Variants in ROBO1 observed in about 807,000 individuals in gnomAD.
ROBO1 encodes the protein roundabout guidance receptor 1, also known as roundabout homolog 1.
Under a neutral mutation model 195.9 loss-of-function variants are expected in ROBO1, and 149 were observed. The ratio of observed to expected loss-of-function variants is 0.76; its 90% CI spans 0.67 to 0.87. The LOEUF is 0.87. Among genes scored for constraint, ROBO1 ranks in the 40% least tolerant of loss-of-function variants. The probability of loss-of-function intolerance (pLI) is 0.00; values close to 1 mark genes in which losing one functional copy is unlikely to be tolerated. For synonymous variants in ROBO1, 816 were observed against 733.2 expected (o/e 1.11, Z -1.82); for missense variants, 1,933 against 2,068.3 (o/e 0.93, Z 1.27).
chr3:79,625,309 C>T (rs1052383760), intron 1 of ROBO1, among the ~76,000 whole-genome samples: 19 of 149,840 alleles, frequency 1.3e-4, no homozygotes, highest in African/African-American at 4.2e-4. Flanking sequence ...CAATAACAAA[C>T]TAATCCAAAA....
intron 2 of ROBO1, among the ~76,000 whole-genome samples, chr3:79,484,517 A>G (rs1274429478): frequency 4.0e-5 from 6 of 151,878 alleles, no homozygotes; most frequent in African/African-American, 4.8e-5. Flanking sequence ...GTGTGTGTGT[A>G]TATATGGTGA....
At chr3:78,701,374 A>G (rs531762580) in intron 8 of ROBO1, among the ~76,000 whole-genome samples, 1 of 152,300 alleles carries the variant, frequency 6.6e-6, no homozygotes, top group South Asian at 2.1e-4. Flanking sequence ...AAAGCAGCCA[A>G]TTCCGTGCCT....
chr3:79,629,408 T>A (rs1259187193), intron 1 of ROBO1, among the ~76,000 whole-genome samples: 1 of 151,866 alleles, frequency 6.6e-6, no homozygotes, highest in Non-Finnish European at 1.5e-5. Context: ...GATTTTTGGG[T>A]AAATAAAAAA....
intron 8 of ROBO1, among the ~76,000 whole-genome samples, chr3:78,699,144 T>A (rs1170237677): frequency 6.6e-6 from 1 of 152,112 alleles, no homozygotes; most frequent in Non-Finnish European, 1.5e-5. Flanking sequence ...ATCTACCTCC[T>A]TCTCTCTTTA....
At chr3:79,665,206 C>A (rs1337052738) in intron 1 of ROBO1, among the ~76,000 whole-genome samples, 1 of 151,780 alleles carries the variant, frequency 6.6e-6, no homozygotes, top group Non-Finnish European at 1.5e-5. Context: ...CTATATACAT[C>A]TGGGAGAGCT....
intron 3 of ROBO1, among the ~76,000 whole-genome samples, chr3:78,967,507 G>A (rs1385521406): frequency 6.6e-6 from 1 of 152,066 alleles, no homozygotes; most frequent in Non-Finnish European, 1.5e-5. Flanking sequence ...TTCTCCAAGA[G>A]AGAAAGAAAC....
chr3:78,964,931 G>A (rs1046815011), intron 3 of ROBO1, among the ~76,000 whole-genome samples: 5 of 149,342 alleles, frequency 3.3e-5, no homozygotes, highest in South Asian at 2.1e-4. Flanking sequence ...TGATCCCCCC[G>A]TGCTGGGATT....
In ROBO1 at chr3:79,598,699, A is replaced by G. The variant is rs553206356; in HGVS notation, c.-50-8738T>C. ...AAAGACATAAACTCTTGGGAGCTCT[A>G]TGGCCCCCTCCATCACCTGAGATTC... is the stretch of plus-strand genomic sequence containing the variant. On this transcript the variant is annotated intron_variant, in intron 1 of 30. Transcript: ENST00000464233. 2.0e-5 allele frequency among the ~76,000 whole-genome samples: 3 copies of G among 152,028 alleles called. No individual in the cohort carries two copies. The South Asian group carries it at 6.2e-4, about 32-fold the overall frequency.
intron 2 of ROBO1, among the ~76,000 whole-genome samples, chr3:79,151,429 A>C (rs1576742436): frequency 6.6e-6 from 1 of 151,668 alleles, no homozygotes; most frequent in African/African-American, 2.4e-5. Flanking sequence ...AACAAAATAT[A>C]CCACTACTTC....
intron 2 of ROBO1, among the ~76,000 whole-genome samples, chr3:79,444,564 G>A (rs983482141): frequency 1.3e-5 from 2 of 152,074 alleles, no homozygotes; most frequent in African/African-American, 4.8e-5. Flanking sequence ...ATATGGAATT[G>A]AACATTCATA....
At chr3:79,648,700 GAATT>G (rs1389792887) in intron 1 of ROBO1, among the ~76,000 whole-genome samples, 1 of 151,948 alleles carries the variant, frequency 6.6e-6, no homozygotes, top group Non-Finnish European at 1.5e-5. Flanking sequence ...TAAAATAAAT[GAATT>G]GTCATTATGA....
At chr3:79,214,624 A>T (rs954692256) in intron 2 of ROBO1, among the ~76,000 whole-genome samples, 14 of 151,890 alleles carry the variant, frequency 9.2e-5, no homozygotes, top group Non-Finnish European at 1.5e-4. Context: ...CAAAAAACAA[A>T]AACACTTAGG....
At chr3:79,140,049 T>C (rs899992832) in intron 2 of ROBO1, among the ~76,000 whole-genome samples, 1 of 152,098 alleles carries the variant, frequency 6.6e-6, no homozygotes, top group African/African-American at 2.4e-5. Context: ...CAGGAAGAAA[T>C]AGAATCCCTT....
At chr3:79,225,617 C>T (rs767883962) in intron 2 of ROBO1, among the ~76,000 whole-genome samples, 9 of 152,138 alleles carry the variant, frequency 5.9e-5, no homozygotes, top group Non-Finnish European at 1.3e-4. Flanking sequence ...TTGTCTAGTA[C>T]CATGTGTATT....
At chr3:78,710,675 G>A (rs2081662055) in intron 8 of ROBO1, among the ~76,000 whole-genome samples, 1 of 152,156 alleles carries the variant, frequency 6.6e-6, no homozygotes, top group Non-Finnish European at 1.5e-5. Flanking sequence ...AGGTTACATA[G>A]TAGTAAATGA....
chr3:78,683,541 T>C (rs2080980997), intron 10 of ROBO1, among the ~76,000 whole-genome samples: 6 of 151,938 alleles, frequency 3.9e-5, no homozygotes, highest in Admixed American at 3.9e-4. Context: ...AATTAACACA[T>C]ATGGGCCGGG....
chr3:79,428,992 C>A (rs1228405322), intron 2 of ROBO1, among the ~76,000 whole-genome samples: 2 of 151,996 alleles, frequency 1.3e-5, no homozygotes. Flanking sequence ...ATAAAGGAAC[C>A]TTTGGGGATG....
At chr3:79,158,594 T>A (rs2080899326) in intron 2 of ROBO1, among the ~76,000 whole-genome samples, 1 of 151,786 alleles carries the variant, frequency 6.6e-6, no homozygotes, top group Non-Finnish European at 1.5e-5. Flanking sequence ...TTTGTCCACT[T>A]GAAATGTATT....
intron 1 of ROBO1, among the ~76,000 whole-genome samples, chr3:79,765,234 C>A (rs1247937379): frequency 6.6e-6 from 1 of 152,132 alleles, no homozygotes; most frequent in Non-Finnish European, 1.5e-5. Context: ...TAAAGGAAGT[C>A]CAAAAACCGT....
Sources: gnomAD v4.1 joint callset for allele counts (sites outside exome capture counted in the v4.1 genomes callset) on GRCh38, gnomAD v4.1.1 for gene constraint, MANE v1.5 for transcripts, NCBI Gene and HGNC (gene_info 2026-07-23, HGNC 2026-07-21) for gene names.